DTNB: variants seen among roughly 807,000 people sequenced by gnomAD.
DTNB encodes the protein dystrobrevin beta.
In DTNB, 63 loss-of-function variants were observed where a neutral mutation model predicts 90.7. That is an observed-to-expected ratio of 0.69 (90% CI 0.57 to 0.86). The LOEUF is 0.86. Among genes scored for constraint, DTNB ranks in the 40% least tolerant of loss-of-function variants. The pLI is 0.00. For missense variants in DTNB, 744 were observed against 807.1 expected (o/e 0.92, Z 0.95); for synonymous variants, 277 against 286.7 (o/e 0.97, Z 0.34).
chr2:25,509,134 A>T (rs1239478240), intron 9 of DTNB, among the ~76,000 whole-genome samples: 1 of 152,286 alleles, frequency 6.6e-6, no homozygotes, highest in East Asian at 1.9e-4. Context: ...TTCCTTTTCG[A>T]TCTGAATGCC....
chr2:25,595,982 A>C, intron 6 of DTNB, 104 bp downstream of exon 6: 1 of 1,109,316 alleles, frequency 9.0e-7, no homozygotes, highest in Non-Finnish European at 1.1e-6. Flanking sequence ...TTCCTCCCCT[A>C]CTCAAGACCT....
intron 12 of DTNB, among the ~76,000 whole-genome samples, chr2:25,435,520 A>C (rs1256868180): frequency 1.3e-5 from 2 of 152,186 alleles, no homozygotes; most frequent in African/African-American, 4.8e-5. Flanking sequence ...ATCTTTTTTC[A>C]CTTAGCAAAA....
At chr2:25,566,191 G>T (rs926009777) in intron 8 of DTNB, among the ~76,000 whole-genome samples, 2 of 152,134 alleles carry the variant, frequency 1.3e-5, no homozygotes, top group East Asian at 1.9e-4. Context: ...TGCCTATGGG[G>T]GGCCACATGA....
chr2:25,646,817 G>C (rs1368760345), intron 2 of DTNB, among the ~76,000 whole-genome samples: 1 of 152,130 alleles, frequency 6.6e-6, no homozygotes, highest in Non-Finnish European at 1.5e-5. Context: ...CATGTTCTCA[G>C]GACCTCCTGA....
intron 6 of DTNB, among the ~76,000 whole-genome samples, chr2:25,584,940 A>T (rs1054394306): frequency 2.0e-5 from 3 of 152,202 alleles, no homozygotes; most frequent in Non-Finnish European, 4.4e-5. Flanking sequence ...TAATTTTTAC[A>T]GTATAATGAA....
intron 11 of DTNB, among the ~76,000 whole-genome samples, chr2:25,453,454 A>C (rs1440889346): frequency 1.3e-5 from 2 of 152,208 alleles, no homozygotes; most frequent in African/African-American, 4.8e-5. Flanking sequence ...TTACTAATCA[A>C]GAAGTCATGT....
intron 8 of DTNB, among the ~76,000 whole-genome samples, chr2:25,534,890 C>CTA (rs2079083036): frequency 6.9e-6 from 1 of 144,758 alleles, no homozygotes; most frequent in African/African-American, 2.6e-5. Flanking sequence ...ACTTCCCAGA[C>CTA]GGGGCGGCCG....
At chr2:25,416,580 C>T (rs2047983730) in intron 16 of DTNB, among the ~76,000 whole-genome samples, 1 of 152,096 alleles carries the variant, frequency 6.6e-6, no homozygotes, top group African/African-American at 2.4e-5. Context: ...GCAAGAGAAT[C>T]ACCTGAACCC....
chr2:25,419,816 A>C (rs1019330234), intron 15 of DTNB, among the ~76,000 whole-genome samples: 14 of 152,216 alleles, frequency 9.2e-5, no homozygotes, highest in Admixed American at 7.9e-4. Flanking sequence ...CTATAGATCA[A>C]ACAGGCCTAG....
chr2:25,495,453 G>A (rs1268934271), intron 9 of DTNB, among the ~76,000 whole-genome samples: 1 of 152,134 alleles, frequency 6.6e-6, no homozygotes, highest in Non-Finnish European at 1.5e-5. Context: ...ACAATATATT[G>A]TCTAGAAAGA....
chr2:25,669,161 T>C lies in DTNB; in HGVS notation c.-2+4225A>G, dbSNP rs536181811. Among the ~76,000 whole-genome samples, 14 of 152,224 alleles carry C rather than the reference T, an allele frequency of 9.2e-5. No individual in the cohort carries two copies. The South Asian group carries it at 1.7e-3, about 18-fold the overall frequency. On this transcript the variant is annotated intron_variant, in intron 1 of 20. Coordinates refer to ENST00000406818, the MANE Select transcript of DTNB (RefSeq NM_021907.5). The stretch of plus-strand genomic sequence containing the variant: ...GTGTTTAAGGGGTACAGAGTTTCAG[T>C]TGGGGATGATGAAAAAGCTCTGGAG...
At chr2:25,379,261 T>C in intron 20 of DTNB, 29 bp downstream of exon 20, 1 of 1,323,126 alleles carries the variant, frequency 7.6e-7, no homozygotes, top group South Asian at 2.6e-5. Flanking sequence ...GGAGGGGCCG[T>C]GGGGAGGCAG....
chr2:25,425,273 TA>T (rs1395840562), intron 15 of DTNB, among the ~76,000 whole-genome samples: 5 of 152,100 alleles, frequency 3.3e-5, no homozygotes, highest in Admixed American at 6.5e-5. Context: ...GGGCCAAAGC[TA>T]GGGGGAAAAA....
intron 3 of DTNB, among the ~76,000 whole-genome samples, chr2:25,628,641 G>A (rs902796643): frequency 6.6e-6 from 1 of 152,030 alleles, no homozygotes; most frequent in Non-Finnish European, 1.5e-5. Context: ...TGCAAATAGT[G>A]ACCCATGCAA....
At chr2:25,416,846 A>AAGGAAGGAAGGAAGGAATGT (rs1553349603) in intron 16 of DTNB, among the ~76,000 whole-genome samples, 1 of 145,880 alleles carries the variant, frequency 6.9e-6, no homozygotes, top group Non-Finnish European at 1.5e-5. Flanking sequence ...GGAAGGAAGG[A>AAGGAAGGAAGGAAGGAATGT]AGGGTGGTTG....
intron 9 of DTNB, among the ~76,000 whole-genome samples, chr2:25,520,715 A>C (rs534389783): frequency 6.6e-6 from 1 of 152,350 alleles, no homozygotes; most frequent in East Asian, 1.9e-4. Context: ...AAAGTTCAAA[A>C]AGAAGATTTA....
At chr2:25,493,638 T>C (rs542838901) in intron 9 of DTNB, among the ~76,000 whole-genome samples, 11 of 152,228 alleles carry the variant, frequency 7.2e-5, no homozygotes, top group Non-Finnish European at 1.0e-4. Flanking sequence ...AAACAGCTCC[T>C]GAAATTTCAA....
intron 1 of DTNB, among the ~76,000 whole-genome samples, chr2:25,669,585 T>A (rs1211744156): frequency 6.6e-6 from 1 of 152,160 alleles, no homozygotes; most frequent in African/African-American, 2.4e-5. Context: ...AAGAAAAGCC[T>A]AGGGCTGGCA....
chr2:25,604,703 C>A (rs1254087852), intron 5 of DTNB, among the ~76,000 whole-genome samples: 1 of 152,198 alleles, frequency 6.6e-6, no homozygotes, highest in Non-Finnish European at 1.5e-5. Flanking sequence ...AGCAATTCTG[C>A]CTCAGCCTCC....
Sources: allele counts gnomAD v4.1 joint callset (sites outside exome capture counted in the v4.1 genomes callset), GRCh38; gene constraint gnomAD v4.1.1; transcripts MANE v1.5; gene names NCBI Gene and HGNC (gene_info 2026-07-23, HGNC 2026-07-21).